Variants in EYS observed in about 807,000 individuals in gnomAD.
The protein encoded by EYS is protein eyes shut homolog.
In EYS, 250 loss-of-function variants were observed where a neutral mutation model predicts 282.1. The observed-to-expected ratio is 0.89, with a 90% CI of 0.80 to 0.98. The LOEUF is 0.98. EYS is among the 50% of genes least tolerant of loss of function. EYS has a pLI of 0.00. For synonymous variants in EYS, 1,355 were observed against 1,282.9 expected, an observed-to-expected ratio of 1.06 and a Z score of -1.20; for missense variants, 4,016 against 3,709.0, an observed-to-expected ratio of 1.08 and a Z score of -2.15.
rs1771573461 is a variant in EYS, at chr6:65,004,468, A to G, written c.2138-6765T>C. The stretch of plus-strand genomic sequence containing the variant: ...GCTGAAGGAACTCACTGTCATAGCA[A>G]TATCCATGCAGGCAAGGGCTGGAAC... On this transcript the variant is annotated intron_variant, in intron 13 of 42. Transcript: ENST00000503581. 1.4e-5 allele frequency among the ~76,000 whole-genome samples: 2 copies of G among 147,696 alleles called. 1 individual carries two copies. Among genetic ancestry groups the G allele is most frequent in the Non-Finnish European group, 3.0e-5 (2 of 65,980 alleles).
intron 36 of EYS, chr6:63,806,937 G>A (rs1325694204): frequency 6.6e-6 from 1 of 152,148 alleles, no homozygotes; most frequent in African/African-American, 2.4e-5. Context: ...TAAAAGAAAT[G>A]TTCATTATTT....
intron 41 of EYS, among the ~76,000 whole-genome samples, chr6:63,739,933 C>T (rs540465305): frequency 6.0e-5 from 9 of 150,460 alleles, no homozygotes; most frequent in African/African-American, 1.2e-4. Context: ...CTCCTGACCT[C>T]GTGATCCACC....
intron 26 of EYS, among the ~76,000 whole-genome samples, chr6:64,539,467 CG>C (rs1764629694): frequency 6.6e-6 from 1 of 151,992 alleles, no homozygotes; most frequent in Admixed American, 6.6e-5. Flanking sequence ...CCTAGTTACT[CG>C]GGAGGCTGAG....
At chr6:63,805,410 C>A (rs1770879206) in intron 37 of EYS, among the ~76,000 whole-genome samples, 1 of 152,122 alleles carries the variant, frequency 6.6e-6, no homozygotes, top group Non-Finnish European at 1.5e-5. Context: ...GAATGGTTTT[C>A]TTTGAGGGCA....
At chr6:64,419,349 G>A (rs1271921371) in intron 28 of EYS, among the ~76,000 whole-genome samples, 1 of 152,102 alleles carries the variant, frequency 6.6e-6, no homozygotes, top group Non-Finnish European at 1.5e-5. Context: ...TGAGATTTGG[G>A]TGAGGACACA....
At chr6:64,193,694 C>G (rs761614713) in intron 31 of EYS, among the ~76,000 whole-genome samples, 1 of 151,988 alleles carries the variant, frequency 6.6e-6, no homozygotes, top group Non-Finnish European at 1.5e-5. Context: ...TGTTCCCCAC[C>G]CTGTGTCCAA....
chr6:65,029,835 G>T (rs1772540521), intron 13 of EYS, among the ~76,000 whole-genome samples: 1 of 152,142 alleles, frequency 6.6e-6, no homozygotes, highest in African/African-American at 2.4e-5. Flanking sequence ...GGCTGAATGG[G>T]GAGCAATCTG....
intron 28 of EYS, among the ~76,000 whole-genome samples, chr6:64,434,162 G>T (rs1049787243): frequency 6.6e-6 from 1 of 151,992 alleles, no homozygotes; most frequent in Admixed American, 6.6e-5. Flanking sequence ...AAGGGTAGAT[G>T]ATATGAAGAC....
At chr6:65,097,238 G>GA (rs1299365138) in intron 12 of EYS, among the ~76,000 whole-genome samples, 1 of 150,934 alleles carries the variant, frequency 6.6e-6, no homozygotes, top group Non-Finnish European at 1.5e-5. Flanking sequence ...ACAGGTATAT[G>GA]AAAAAATGCT....
At chr6:64,145,486 C>G (rs747064162) in intron 31 of EYS, among the ~76,000 whole-genome samples, 78 of 152,220 alleles carry the variant, frequency 5.1e-4, no homozygotes, top group Non-Finnish European at 9.1e-4. Flanking sequence ...TTTTATTACT[C>G]TCTTAAAATC....
chr6:63,949,164 T>C (rs1315208090), intron 35 of EYS, among the ~76,000 whole-genome samples: 1 of 152,128 alleles, frequency 6.6e-6, no homozygotes, highest in Non-Finnish European at 1.5e-5. Flanking sequence ...CAGGTAGACA[T>C]AGTTCTGTTA....
At chr6:65,262,397 T>G (rs775731093) in intron 12 of EYS, among the ~76,000 whole-genome samples, 5 of 152,088 alleles carry the variant, frequency 3.3e-5, no homozygotes, top group Non-Finnish European at 7.4e-5. Context: ...TAATGAATCG[T>G]CTACTGAGAA....
intron 33 of EYS, among the ~76,000 whole-genome samples, chr6:64,019,712 T>C (rs1431752451): frequency 1.3e-5 from 2 of 152,040 alleles, no homozygotes; most frequent in African/African-American, 4.8e-5. Flanking sequence ...CTCAGCCTCG[T>C]TCTTTCTTTT....
chr6:65,219,478 T>G (rs149167548), intron 12 of EYS, among the ~76,000 whole-genome samples: 2 of 152,080 alleles, frequency 1.3e-5, no homozygotes, highest in Non-Finnish European at 2.9e-5. Flanking sequence ...AAGATAACAT[T>G]TTCTTCTACT....
intron 1 of EYS, among the ~76,000 whole-genome samples, chr6:65,646,577 G>A (rs1474469873): frequency 1.3e-5 from 2 of 152,142 alleles, no homozygotes; most frequent in Middle Eastern, 3.2e-3. Context: ...ATACTGCATG[G>A]GAAGAAGCTG....
chr6:64,771,743 G>A (rs1406630639), intron 22 of EYS, among the ~76,000 whole-genome samples: 1 of 151,694 alleles, frequency 6.6e-6, no homozygotes, highest in African/African-American at 2.4e-5. Context: ...CTGCCTTACA[G>A]AATTTATTGA....
intron 19 of EYS, among the ~76,000 whole-genome samples, chr6:64,867,049 G>A (rs979549103): frequency 6.6e-6 from 1 of 151,618 alleles, no homozygotes; most frequent in African/African-American, 2.4e-5. Flanking sequence ...ATTTTAGAAA[G>A]GAGAACTCAC....
At position 64,096,186 on chromosome 6, in the gene EYS, T is replaced by G. The variant is rs149656757; in HGVS notation, c.6425-14184A>C. On this transcript the variant is annotated intron_variant, in intron 31 of 42. Coordinates refer to ENST00000503581, the MANE Select transcript of EYS (RefSeq NM_001142800.2). Reference sequence around the variant, plus strand: ...CTTTCTCTCTGGCTGCCCTTAACATTTTATCCTTCATTTCAACTTTGTTGA... The same window carrying G: ...CTTTCTCTCTGGCTGCCCTTAACATGTTATCCTTCATTTCAACTTTGTTGA... Among the ~76,000 whole-genome samples, 765 of 152,302 alleles carry G rather than the reference T, an allele frequency of 5.0e-3. 5 individuals carry two copies. The highest frequency in any genetic ancestry group is 0.018 in the African/African-American group (732 of 41,556).
intron 19 of EYS, among the ~76,000 whole-genome samples, chr6:64,870,614 C>T (rs1458829467): frequency 2.0e-5 from 3 of 151,708 alleles, no homozygotes; most frequent in South Asian, 2.1e-4. Flanking sequence ...AATAATACCT[C>T]GTGGCAGATC....
Sources: gnomAD v4.1 joint callset for allele counts (sites outside exome capture counted in the v4.1 genomes callset) on GRCh38, gnomAD v4.1.1 for gene constraint, MANE v1.5 for transcripts, NCBI Gene and HGNC (gene_info 2026-07-23, HGNC 2026-07-21) for gene names.